PPM1L: variants seen among roughly 807,000 people sequenced by gnomAD.
PPM1L encodes the protein protein phosphatase, Mg2+/Mn2+ dependent 1L.
PPM1L carries 13 observed loss-of-function variants against 31.4 expected under a neutral mutation model. The observed-to-expected ratio is 0.41, with a 90% CI of 0.27 to 0.66. PPM1L has a LOEUF of 0.66. Ranked by LOEUF, PPM1L falls within the 30% of genes least tolerant of loss-of-function variation. PPM1L has a pLI of 0.29. For synonymous variants in PPM1L, 184 were observed against 175.4 expected, an observed-to-expected ratio of 1.05 and a Z score of -0.39; for missense variants, 326 against 453.7, an observed-to-expected ratio of 0.72 and a Z score of 2.56.
chr3:161,067,986 T>G (rs1371657084), intron 3 of PPM1L, among the ~76,000 whole-genome samples: 1 of 152,234 alleles, frequency 6.6e-6, no homozygotes, highest in Admixed American at 6.5e-5. Context: ...GGCTGTCTAC[T>G]TTTTTAAAGA....
At chr3:160,977,365 A>T (rs1716626337) in intron 2 of PPM1L, among the ~76,000 whole-genome samples, 1 of 152,238 alleles carries the variant, frequency 6.6e-6, no homozygotes, top group African/African-American at 2.4e-5. Flanking sequence ...ATTCAACACA[A>T]ACATTTACTA....
chr3:160,793,086 C>CATCT (rs1447145477), intron 1 of PPM1L, among the ~76,000 whole-genome samples: 1 of 152,090 alleles, frequency 6.6e-6, no homozygotes, highest in Non-Finnish European at 1.5e-5. Flanking sequence ...TAACCTTGAT[C>CATCT]ATCTGGCTGA....
chr3:160,934,043 T>C (rs1186652431), intron 1 of PPM1L, among the ~76,000 whole-genome samples: 1 of 152,256 alleles, frequency 6.6e-6, no homozygotes, highest in African/African-American at 2.4e-5. Flanking sequence ...CAAATGTTTT[T>C]AACTTTAGCA....
At chr3:161,014,864 G>T (rs887980988) in intron 2 of PPM1L, among the ~76,000 whole-genome samples, 1 of 152,132 alleles carries the variant, frequency 6.6e-6, no homozygotes, top group South Asian at 2.1e-4. Flanking sequence ...TTTGGGGATG[G>T]GGGGAGTCAT....
Position 160,954,956 on chromosome 3 carries a change from C to CTTCCTTCCTTCCTTCCTTTCCT in PPM1L, c.400-6774_400-6773insCCTTCCTTCCTTTCCTTTCCTT, listed in dbSNP as rs1553749482. ...CCTTCCTTCCTTCCTTCCTTCCTTC[C>CTTCCTTCCTTCCTTCCTTTCCT]TTCCTTTCCTTTCCTTTCCTTTCCT... is the stretch of plus-strand genomic sequence containing the variant. On this transcript the variant is annotated intron_variant, in intron 1 of 3. Transcript: ENST00000498165. 8.3e-4 allele frequency among the ~76,000 whole-genome samples: 64 copies of CTTCCTTCCTTCCTTCCTTTCCT among 77,442 alleles called. 1 individual carries two copies. The highest frequency in any genetic ancestry group is 3.3e-3 in the African/African-American group (53 of 15,856). 50.8% of individuals were successfully genotyped at this position (77,442 alleles called of 152,430 possible).
intron 1 of PPM1L, among the ~76,000 whole-genome samples, chr3:160,885,420 G>C (rs1712879749): frequency 6.6e-6 from 1 of 152,152 alleles, no homozygotes; most frequent in Admixed American, 6.5e-5. Context: ...ATACATGAGG[G>C]GGGCAAGGCC....
At chr3:160,995,302 T>C (rs991481157) in intron 2 of PPM1L, among the ~76,000 whole-genome samples, 2 of 152,210 alleles carry the variant, frequency 1.3e-5, no homozygotes, top group African/African-American at 4.8e-5. Context: ...AGAGGGTTTG[T>C]GATACGTAGG....
intron 1 of PPM1L, among the ~76,000 whole-genome samples, chr3:160,956,964 T>G (rs1715795163): frequency 6.6e-6 from 1 of 152,252 alleles, no homozygotes; most frequent in Admixed American, 6.5e-5. Flanking sequence ...GTGTGTAAGA[T>G]ACAGTCCTTA....
intron 1 of PPM1L, among the ~76,000 whole-genome samples, chr3:160,904,935 T>C (rs1679278164): frequency 6.6e-6 from 1 of 152,210 alleles, no homozygotes; most frequent in Non-Finnish European, 1.5e-5. Context: ...TGTCTCATGT[T>C]GTGAGCCTCT....
At chr3:160,757,718 C>T (rs777116946) in intron 1 of PPM1L, among the ~76,000 whole-genome samples, 15 of 152,246 alleles carry the variant, frequency 9.9e-5, no homozygotes, top group East Asian at 1.9e-4. Context: ...TTGCTGCATA[C>T]TCTTTGTTTT....
rs538311975 is a variant in PPM1L at position 161,071,815 on chromosome 3, G to A, written c.*2658G>A. 5 of 152,312 alleles carry A rather than the reference G, an allele frequency of 3.3e-5. No individual in the cohort carries two copies. The highest frequency in any genetic ancestry group is 1.2e-4 in the African/African-American group (5 of 41,562). The allele number at this position is 152,312 out of a possible 1,614,324, so 9.4% of individuals were successfully genotyped here. ...ACACTGGCTGCTCCCCAGGGACCTGGGAATGCTGAATCTAGCCATTAGGGA... is the reference window on the plus strand; with the variant it reads ...ACACTGGCTGCTCCCCAGGGACCTGAGAATGCTGAATCTAGCCATTAGGGA... On this transcript the variant is annotated 3_prime_UTR_variant, in exon 4 of 4. Transcript: ENST00000498165.
At chr3:160,973,120 A>C (rs552730463) in intron 2 of PPM1L, among the ~76,000 whole-genome samples, 8 of 152,354 alleles carry the variant, frequency 5.3e-5, no homozygotes, top group Middle Eastern at 3.4e-3. Flanking sequence ...TATGGTGGGC[A>C]AAATTTTAAA....
intron 2 of PPM1L, among the ~76,000 whole-genome samples, chr3:161,056,797 C>A (rs1384283309): frequency 6.6e-6 from 1 of 152,128 alleles, no homozygotes; most frequent in Admixed American, 6.5e-5. Context: ...CACGTTGGCT[C>A]ACCCCTGTAA....
At chr3:160,983,206 T>C (rs370867279) in intron 2 of PPM1L, among the ~76,000 whole-genome samples, 3 of 152,300 alleles carry the variant, frequency 2.0e-5, no homozygotes, top group African/African-American at 7.2e-5. Flanking sequence ...ATGAGCCTGA[T>C]ATAATTGCAT....
intron 2 of PPM1L, among the ~76,000 whole-genome samples, chr3:161,048,152 C>T (rs1719143729): frequency 6.6e-6 from 1 of 152,130 alleles, no homozygotes; most frequent in Admixed American, 6.5e-5. Flanking sequence ...GAACAGGCAA[C>T]CTACAGAATG....
intron 1 of PPM1L, among the ~76,000 whole-genome samples, chr3:160,936,644 A>G (rs1253845520): frequency 6.6e-6 from 1 of 152,254 alleles, no homozygotes; most frequent in Non-Finnish European, 1.5e-5. Context: ...CAGAAACATT[A>G]TAATGGAAAA....
chr3:160,801,329 C>A (rs913476908), intron 1 of PPM1L, among the ~76,000 whole-genome samples: 1 of 152,050 alleles, frequency 6.6e-6, no homozygotes, highest in Admixed American at 6.6e-5. Flanking sequence ...AACATAAAAC[C>A]TTTGCTTTGA....
At chr3:161,037,998 C>A (rs868256460) in intron 2 of PPM1L, among the ~76,000 whole-genome samples, 15 of 151,734 alleles carry the variant, frequency 9.9e-5, no homozygotes, top group Non-Finnish European at 2.9e-5. Context: ...CTTTGGGAGG[C>A]CGAGGCGGGC....
Position 161,065,544 on chromosome 3 carries a change from GAA to G in PPM1L, c.718_719del (p.Lys240GlufsTer48). On this transcript the variant is annotated frameshift_variant, in exon 3 of 4. Transcript: ENST00000498165. LOFTEE classifies it high-confidence loss of function. The stretch of plus-strand genomic sequence containing the variant: ...CACAAGCCTTACCAGTTGAAGGAAA[GAA>G]AGAGGATAAAGAGAGCAGGTGAGCT... 6.2e-7 allele frequency: 1 copy of G among 1,614,018 alleles called. No homozygotes were observed. The highest frequency in any genetic ancestry group is 8.5e-7 in the Non-Finnish European group (1 of 1,179,922).
Sources: allele counts gnomAD v4.1 joint callset (sites outside exome capture counted in the v4.1 genomes callset), GRCh38; gene constraint gnomAD v4.1.1; transcripts MANE v1.5; gene names NCBI Gene and HGNC (gene_info 2026-07-23, HGNC 2026-07-21).